TINAG: variants seen among roughly 807,000 people sequenced by gnomAD.
The protein encoded by TINAG is tubulointerstitial nephritis antigen.
TINAG carries 83 observed loss-of-function variants against 72.7 expected under a neutral mutation model. That is an observed-to-expected ratio of 1.14 (90% CI 0.96 to 1.37). The LOEUF is 1.37. Among genes scored for constraint, TINAG ranks in the 40% most tolerant of loss-of-function variants. The pLI is 0.00. For synonymous variants in TINAG, 234 were observed against 189.9 expected, an observed-to-expected ratio of 1.23 and a Z score of -1.91; for missense variants, 685 against 576.6, an observed-to-expected ratio of 1.19 and a Z score of -1.93.
At chr6:54,322,343 A>AAG (rs200196234) in intron 3 of TINAG, among the ~76,000 whole-genome samples, 1 of 150,798 alleles carries the variant, frequency 6.6e-6, no homozygotes, top group African/African-American at 2.5e-5. Context: ...CAAAAAAAAA[A>AAG]CAAGAAACAT....
chr6:54,346,475 A>T (rs184200910), intron 5 of TINAG, among the ~76,000 whole-genome samples: 16 of 151,760 alleles, frequency 1.1e-4, no homozygotes, highest in Non-Finnish European at 1.6e-4. Flanking sequence ...TAAATATATT[A>T]TTAGTTGTAT....
chr6:54,322,213 CACA>C (rs1360281100), intron 3 of TINAG, among the ~76,000 whole-genome samples: 1 of 151,982 alleles, frequency 6.6e-6, no homozygotes, highest in African/African-American at 2.4e-5. Context: ...GAGGCTGAAG[CACA>C]ACAACCACTG....
rs111393189 is a variant in TINAG at position 54,375,337 on chromosome 6, T to C, written c.1251-5189T>C. Among the ~76,000 whole-genome samples the C allele has an allele frequency of 9.2e-5, 14 of 152,276 alleles. 1 individual carries two copies. The highest frequency in any genetic ancestry group is 3.4e-4 in the African/African-American group (14 of 41,584). On this transcript the variant is annotated intron_variant, in intron 9 of 10. Transcript: ENST00000259782. ...ACAGAAAAGCCATTAATTTAAAGGT[T>C]TATGTGTAGAGCCATATCAGTAGAG...
intron 1 of TINAG, among the ~76,000 whole-genome samples, chr6:54,315,821 T>C (rs550080957): frequency 6.6e-6 from 1 of 152,310 alleles, no homozygotes; most frequent in African/African-American, 2.4e-5. Flanking sequence ...CCATCTGCTG[T>C]GAACAGACCT....
chr6:54,331,749 A>T (rs554808686), intron 4 of TINAG, among the ~76,000 whole-genome samples: 1 of 149,722 alleles, frequency 6.7e-6, no homozygotes, highest in Non-Finnish European at 1.5e-5. Context: ...CTGATAAGCA[A>T]CTTCAGCAAA....
intron 8 of TINAG, among the ~76,000 whole-genome samples, chr6:54,351,641 C>T (rs1368350268): frequency 6.6e-6 from 1 of 151,864 alleles, no homozygotes. Context: ...AAATTAATGA[C>T]ACATTTGATG....
chr6:54,346,662 G>A (rs542399063), intron 5 of TINAG, among the ~76,000 whole-genome samples: 11 of 151,454 alleles, frequency 7.3e-5, no homozygotes, highest in Non-Finnish European at 1.2e-4. Context: ...TATTCACTTC[G>A]TTTTATATAT....
At chr6:54,387,062 T>C (rs1260549463) in intron 10 of TINAG, among the ~76,000 whole-genome samples, 1 of 152,042 alleles carries the variant, frequency 6.6e-6, no homozygotes, top group Non-Finnish European at 1.5e-5. Context: ...TACAAATATA[T>C]AGGAAGACCA....
In TINAG at chr6:54,315,386, A is replaced by T. The variant is rs147208523; in HGVS notation, c.356-5193A>T. 5.6e-3 allele frequency among the ~76,000 whole-genome samples: 857 copies of T among 152,192 alleles called. 12 individuals are homozygous for T. Among genetic ancestry groups the T allele is most frequent in the African/African-American group, 0.02 (812 of 41,522 alleles). On this transcript the variant is annotated intron_variant, in intron 1 of 10. Transcript: ENST00000259782. ...CTTCCAGTAAAGGATTTCAAATGTC[A>T]GGCTGGGTGTGGTGGCTCACACCTG...
rs377663757 is a variant in TINAG at position 54,368,074 on chromosome 6, G to A, written c.1251-12452G>A. ...GGAATTTTGGGGGGACACAAACTTT[G>A]AGTCCGTAGAGAAGAAATATCCCTT... On this transcript the variant is annotated intron_variant, in intron 9 of 10. Transcript: ENST00000259782. Among the ~76,000 whole-genome samples, 11 of 151,668 alleles carry A rather than the reference G, an allele frequency of 7.3e-5. No homozygotes were observed. The East Asian group carries it at 2.1e-3, about 30-fold the overall frequency.
intron 1 of TINAG, among the ~76,000 whole-genome samples, chr6:54,315,063 A>T (rs1784341268): frequency 6.6e-6 from 1 of 152,174 alleles, no homozygotes; most frequent in African/African-American, 2.4e-5. Context: ...ATTAGTTAAG[A>T]TAAAAATACA....
chr6:54,322,738 A>AGT (rs958226942), intron 3 of TINAG, among the ~76,000 whole-genome samples: 2 of 152,100 alleles, frequency 1.3e-5, no homozygotes, highest in Admixed American at 6.5e-5. Flanking sequence ...TGTGTTTGTG[A>AGT]GTGTGTGTGT....
chr6:54,378,697 T>C (rs1245698491), intron 9 of TINAG, among the ~76,000 whole-genome samples: 1 of 152,168 alleles, frequency 6.6e-6, no homozygotes, highest in Non-Finnish European at 1.5e-5. Context: ...TACACCACAT[T>C]CTGAAGTGCC....
intron 7 of TINAG, 128 bp from the exon 8 acceptor site, chr6:54,351,224 C>T (rs1415938064): frequency 5.7e-6 from 4 of 700,024 alleles, no homozygotes; most frequent in African/African-American, 1.9e-5. Context: ...ATTAATGTAG[C>T]ATAATATACG....
chr6:54,377,685 G>A (rs1763821164), intron 9 of TINAG, among the ~76,000 whole-genome samples: 3 of 152,108 alleles, frequency 2.0e-5, no homozygotes, highest in South Asian at 2.1e-4. Flanking sequence ...CATATCCTCA[G>A]AGACAGTCAC....
chr6:54,344,901 A>T (rs1273681745), intron 5 of TINAG, among the ~76,000 whole-genome samples: 2 of 152,188 alleles, frequency 1.3e-5, no homozygotes, highest in Non-Finnish European at 2.9e-5. Context: ...TATCATAAAG[A>T]TCTAAAAAAT....
At chr6:54,336,754 G>A (rs1308929606) in intron 4 of TINAG, among the ~76,000 whole-genome samples, 2 of 152,008 alleles carry the variant, frequency 1.3e-5, no homozygotes, top group Non-Finnish European at 2.9e-5. Flanking sequence ...TTATGTCTAA[G>A]GTGGAACTAT....
chr6:54,374,621 T>A (rs1265956398), intron 9 of TINAG, among the ~76,000 whole-genome samples: 2 of 152,118 alleles, frequency 1.3e-5, no homozygotes, highest in Non-Finnish European at 2.9e-5. Flanking sequence ...CCTGCAGTTA[T>A]CTTTCAAATC....
intron 9 of TINAG, among the ~76,000 whole-genome samples, chr6:54,358,564 A>G (rs1763130826): frequency 6.6e-6 from 1 of 151,178 alleles, no homozygotes; most frequent in South Asian, 2.1e-4. Flanking sequence ...TTAGGGAGAA[A>G]TTAGAGGAGA....
Sources: allele counts gnomAD v4.1 joint callset (sites outside exome capture counted in the v4.1 genomes callset), GRCh38; gene constraint gnomAD v4.1.1; transcripts MANE v1.5; gene names NCBI Gene and HGNC (gene_info 2026-07-23, HGNC 2026-07-21).